GPR158: variants seen among roughly 807,000 people sequenced by gnomAD.
GPR158 encodes G protein-coupled receptor 158.
GPR158 carries 30 observed loss-of-function variants against 78.2 expected under a neutral mutation model. The ratio of observed to expected loss-of-function variants is 0.38; its 90% CI spans 0.29 to 0.52. The LOEUF (loss-of-function observed/expected upper bound fraction) is 0.52. Ranked by LOEUF, GPR158 falls within the 20% of genes least tolerant of loss-of-function variation. The probability of loss-of-function intolerance (pLI) is 0.83; values close to 1 mark genes in which losing one functional copy is unlikely to be tolerated. For synonymous variants in GPR158, 581 were observed against 591.1 expected, an observed-to-expected ratio of 0.98 and a Z score of 0.25; for missense variants, 1,463 against 1,523.5, an observed-to-expected ratio of 0.96 and a Z score of 0.66.
intron 4 of GPR158, among the ~76,000 whole-genome samples, chr10:25,416,681 T>A (rs1834665205): frequency 1.3e-5 from 2 of 152,120 alleles, no homozygotes; most frequent in African/African-American, 4.8e-5. Context: ...GGTTTTAATT[T>A]AGCAAGTTGA....
At chr10:25,548,744 C>A (rs546409341) in intron 5 of GPR158, among the ~76,000 whole-genome samples, 1 of 152,280 alleles carries the variant, frequency 6.6e-6, no homozygotes, top group South Asian at 2.1e-4. Context: ...CCACTATTTG[C>A]TGAACTATTT....
intron 1 of GPR158, among the ~76,000 whole-genome samples, chr10:25,199,137 T>G (rs1168304994): frequency 6.6e-6 from 1 of 151,502 alleles, no homozygotes; most frequent in African/African-American, 2.4e-5. Context: ...TTTGTTTTTT[T>G]TTTGCTTTTA....
chr10:25,334,035 G>T (rs1233916456), intron 2 of GPR158, among the ~76,000 whole-genome samples: 1 of 151,958 alleles, frequency 6.6e-6, no homozygotes, highest in Non-Finnish European at 1.5e-5. Context: ...AATATACTGT[G>T]GTTCTTTTAG....
At chr10:25,539,184 T>C (rs1300065410) in intron 5 of GPR158, among the ~76,000 whole-genome samples, 1 of 152,142 alleles carries the variant, frequency 6.6e-6, no homozygotes, top group East Asian at 1.9e-4. Context: ...GGAGCAGTAT[T>C]GGACTGGGAG....
intron 2 of GPR158, among the ~76,000 whole-genome samples, chr10:25,258,536 ATTTC>A (rs1183701977): frequency 6.6e-6 from 1 of 152,008 alleles, no homozygotes; most frequent in East Asian, 1.9e-4. Flanking sequence ...ATTTTCTATA[ATTTC>A]TTCTATGAGT....
chr10:25,213,419 T>C (rs1853162092), intron 1 of GPR158, among the ~76,000 whole-genome samples: 1 of 152,344 alleles, frequency 6.6e-6, no homozygotes, highest in African/African-American at 2.4e-5. Context: ...TTTTGAATTT[T>C]TTGATATATT....
intron 2 of GPR158, among the ~76,000 whole-genome samples, chr10:25,385,769 C>T (rs1773617): frequency 0.65 from 98,027 of 151,914 alleles, 32,585 homozygotes; most frequent in Non-Finnish European, 0.73. Context: ...GTATATTTTC[C>T]TTGCAGAAAT....
intron 2 of GPR158, among the ~76,000 whole-genome samples, chr10:25,303,155 G>C (rs1216658388): frequency 6.6e-6 from 1 of 152,184 alleles, no homozygotes; most frequent in Admixed American, 6.5e-5. Context: ...CGTGTTAATT[G>C]CTCTGCTAGT....
At chr10:25,534,550 G>T (rs1348324800) in intron 5 of GPR158, among the ~76,000 whole-genome samples, 3 of 150,884 alleles carry the variant, frequency 2.0e-5, no homozygotes, top group Admixed American at 1.3e-4. Context: ...AGACCATCCT[G>T]GCTAACATGG....
At chr10:25,249,872 G>T (rs1853765268) in intron 2 of GPR158, among the ~76,000 whole-genome samples, 1 of 142,608 alleles carries the variant, frequency 7.0e-6, no homozygotes, top group Non-Finnish European at 1.5e-5. Flanking sequence ...GATTGGAATA[G>T]TTTCAGAAGG....
chr10:25,549,746 GA>G (rs1319302220), intron 5 of GPR158, among the ~76,000 whole-genome samples: 1 of 152,070 alleles, frequency 6.6e-6, no homozygotes, highest in Non-Finnish European at 1.5e-5. Flanking sequence ...AGAAATACTT[GA>G]GAAATGCCAG....
intron 6 of GPR158, among the ~76,000 whole-genome samples, chr10:25,559,287 T>C (rs1430850661): frequency 6.6e-6 from 1 of 152,208 alleles, no homozygotes; most frequent in Non-Finnish European, 1.5e-5. Flanking sequence ...TGATTGGTGT[T>C]AGCATGGTAT....
At chr10:25,228,028 A>G (rs1004856619) in intron 2 of GPR158, among the ~76,000 whole-genome samples, 2 of 152,204 alleles carry the variant, frequency 1.3e-5, no homozygotes, top group African/African-American at 4.8e-5. Flanking sequence ...AAAAATGCAT[A>G]CTTCTTTGTT....
chr10:25,363,791 C>T (rs1430365907), intron 2 of GPR158, among the ~76,000 whole-genome samples: 3 of 151,734 alleles, frequency 2.0e-5, no homozygotes, highest in Non-Finnish European at 4.4e-5. Flanking sequence ...TGGTTGCATG[C>T]TTGGTTCATC....
chr10:25,447,046 C>A (rs370491214), intron 4 of GPR158, among the ~76,000 whole-genome samples: 1 of 152,076 alleles, frequency 6.6e-6, no homozygotes, highest in African/African-American at 2.4e-5. Context: ...AAACATGATA[C>A]TTTGAATTTA....
At chr10:25,445,276 A>T (rs1835125897) in intron 4 of GPR158, among the ~76,000 whole-genome samples, 1 of 152,264 alleles carries the variant, frequency 6.6e-6, no homozygotes, top group South Asian at 2.1e-4. Flanking sequence ...GATGCATAAG[A>T]CTTTCCTAGA....
intron 1 of GPR158, among the ~76,000 whole-genome samples, chr10:25,196,322 C>CT (rs1316234384): frequency 1.3e-5 from 2 of 151,104 alleles, no homozygotes; most frequent in Admixed American, 6.6e-5. Flanking sequence ...TTCATGAACC[C>CT]TTTTTTTGCT....
chr10:25,558,686 A>G (rs1266707884), intron 6 of GPR158, among the ~76,000 whole-genome samples: 1 of 152,210 alleles, frequency 6.6e-6, no homozygotes, highest in East Asian at 1.9e-4. Context: ...GTCCAAAACA[A>G]CTGAGTTGTG....
At chr10:25,210,306 A>G (rs1216778649) in intron 1 of GPR158, among the ~76,000 whole-genome samples, 40 of 152,220 alleles carry the variant, frequency 2.6e-4, no homozygotes, top group Non-Finnish European at 2.9e-5. Flanking sequence ...TATACAACCA[A>G]TCCGTTTCTC....
Sources: gnomAD v4.1 joint callset for allele counts (sites outside exome capture counted in the v4.1 genomes callset) on GRCh38, gnomAD v4.1.1 for gene constraint, MANE v1.5 for transcripts, NCBI Gene and HGNC (gene_info 2026-07-23, HGNC 2026-07-21) for gene names.